Variants in PPP1CC observed in about 807,000 individuals in gnomAD.
The protein encoded by PPP1CC is serine/threonine-protein phosphatase PP1-gamma catalytic subunit.
In PPP1CC, 16 loss-of-function variants were observed where a neutral mutation model predicts 38.4. That is an observed-to-expected ratio of 0.42 (90% confidence interval 0.28 to 0.63). The LOEUF (loss-of-function observed/expected upper bound fraction) is 0.63. PPP1CC is among the 30% of genes least tolerant of loss of function. The pLI is 0.25. For synonymous variants in PPP1CC, 158 were observed against 136.0 expected (o/e 1.16, Z -1.13); for missense variants, 170 against 391.3 (o/e 0.43, Z 4.77).
chr12:110,727,052 C>T (rs909921414), intron 3 of PPP1CC, among the ~76,000 whole-genome samples: 5 of 152,164 alleles, frequency 3.3e-5, no homozygotes. Flanking sequence ...ATTTTCCTGC[C>T]TCAATCTCCT....
At chr12:110,740,240 T>C (rs967232821) in intron 1 of PPP1CC, among the ~76,000 whole-genome samples, 2 of 152,098 alleles carry the variant, frequency 1.3e-5, no homozygotes, top group Non-Finnish European at 2.9e-5. Context: ...TACTTTCAGA[T>C]ATACTTACAT....
intron 1 of PPP1CC, chr12:110,733,127 C>T (rs1372215037): frequency 1.3e-5 from 2 of 152,150 alleles, no homozygotes; most frequent in Non-Finnish European, 2.9e-5. Context: ...TCTCTAGACA[C>T]ACATACAGAG....
At chr12:110,733,824 G>T (rs375400463) in intron 1 of PPP1CC, among the ~76,000 whole-genome samples, 9 of 152,168 alleles carry the variant, frequency 5.9e-5, no homozygotes, top group African/African-American at 2.2e-4. Flanking sequence ...CTTTTCCAGA[G>T]AAAATAAAGA....
chr12:110,710,225 G>GTTATCC, the PPP1CC span, among the ~76,000 whole-genome samples: 1 of 151,960 alleles, frequency 6.6e-6, no homozygotes, highest in Non-Finnish European at 1.5e-5. Flanking sequence ...AGGAAAAAGG[G>GTTATCC]CAAAGATAAC....
chr12:110,716,684 T>C (rs1020774748), downstream of PPP1CC, among the ~76,000 whole-genome samples: 1 of 152,242 alleles, frequency 6.6e-6, no homozygotes, highest in African/African-American at 2.4e-5. Flanking sequence ...CAAAACTGTT[T>C]ACATGATTAA....
At chr12:110,715,982 T>C (rs1301391405), downstream of PPP1CC, among the ~76,000 whole-genome samples, 1 of 152,222 alleles carries the variant, frequency 6.6e-6, no homozygotes, top group Non-Finnish European at 1.5e-5. Flanking sequence ...TGCATGTTTG[T>C]AATACTAAAT....
downstream of PPP1CC, among the ~76,000 whole-genome samples, chr12:110,716,612 C>A (rs1038458791): frequency 1.3e-5 from 2 of 152,198 alleles, no homozygotes; most frequent in African/African-American, 4.8e-5. Context: ...CTCGGCCTCC[C>A]AATCACGCTG....
the PPP1CC span, among the ~76,000 whole-genome samples, chr12:110,712,658 AAAAAAAAAG>A: frequency 8.7e-5 from 13 of 149,770 alleles, no homozygotes; most frequent in Middle Eastern, 3.4e-3. Context: ...AAAAAAAAAA[AAAAAAAAAG>A]GGGGGGCACT....
chr12:110,738,106 T>C (rs567688080), intron 1 of PPP1CC, among the ~76,000 whole-genome samples: 1 of 152,338 alleles, frequency 6.6e-6, no homozygotes, highest in South Asian at 2.1e-4. Context: ...AGACTACATT[T>C]TGAGTTTTCA....
In PPP1CC at chr12:110,722,064, T is replaced by C. The variant is rs753168382; in HGVS notation, c.882+71A>G. 4 of 1,589,294 alleles carry C rather than the reference T, an allele frequency of 2.5e-6. No individual in the cohort carries two copies. Among genetic ancestry groups the C allele is most frequent in the Non-Finnish European group, 2.6e-6 (3 of 1,163,570 alleles). On this transcript the variant is annotated intron_variant, in intron 6 of 6. Transcript: ENST00000335007. The surrounding 1 kb of genome is among the most constrained non-coding windows in gnomAD (Gnocchi z 5.4). ...GCATAAGTGAACACTAGGCAAAAAGTAGCAATTATATTTTTCAATCAGCAA... is the reference window on the plus strand; with the variant it reads ...GCATAAGTGAACACTAGGCAAAAAGCAGCAATTATATTTTTCAATCAGCAA...
chr12:110,709,953 T>G, the PPP1CC span, among the ~76,000 whole-genome samples: 72 of 146,034 alleles, frequency 4.9e-4, no homozygotes, highest in East Asian at 0.013. Flanking sequence ...ATAATAATAA[T>G]AATAATAATA....
chr12:110,736,494 T>C (rs1393266261), intron 1 of PPP1CC, among the ~76,000 whole-genome samples: 1 of 151,638 alleles, frequency 6.6e-6, no homozygotes, highest in Non-Finnish European at 1.5e-5. Flanking sequence ...AAATACAAAA[T>C]ATAGCTGGAC....
At chr12:110,731,523 AT>A (rs1330366645) in intron 2 of PPP1CC, among the ~76,000 whole-genome samples, 3 of 151,776 alleles carry the variant, frequency 2.0e-5, no homozygotes, top group Admixed American at 6.6e-5. Flanking sequence ...TCTTAGTTTC[AT>A]TTTTTTCTTT....
intron 1 of PPP1CC, among the ~76,000 whole-genome samples, chr12:110,735,690 G>A (rs1199312575): frequency 1.3e-5 from 2 of 151,738 alleles, no homozygotes; most frequent in Non-Finnish European, 2.9e-5. Context: ...GCTGAGGCAC[G>A]AGAATCACTT....
In PPP1CC at chr12:110,720,194, G is replaced by T. The variant is rs1181409315; in HGVS notation, c.*882C>A. ...AAGCTTTCTGAATGGACGGGTTCAG[G>T]CCTGATGCAACTGTAAAAAGATTAC... On this transcript the variant is annotated 3_prime_UTR_variant, in exon 7 of 7. Transcript: ENST00000335007. 1 of 1,551,766 alleles carries T rather than the reference G, an allele frequency of 6.4e-7. No homozygotes were observed. Among genetic ancestry groups the T allele is most frequent in the Non-Finnish European group, 8.7e-7 (1 of 1,154,116 alleles).
At chr12:110,732,074 A>G in intron 1 of PPP1CC, 173 bp from the exon 2 acceptor site, 1 of 689,456 alleles carries the variant, frequency 1.5e-6, no homozygotes, top group Non-Finnish European at 2.3e-6. Flanking sequence ...AATCTTAGAC[A>G]AGACTTAATT....
At chr12:110,717,573 T>C (rs182635204), downstream of PPP1CC, among the ~76,000 whole-genome samples, 2 of 152,232 alleles carry the variant, frequency 1.3e-5, no homozygotes, top group South Asian at 2.1e-4. Flanking sequence ...TTTTCTATTT[T>C]TTTTAGTAGA....
intron 4 of PPP1CC, among the ~76,000 whole-genome samples, chr12:110,724,266 C>A (rs903261526): frequency 3.3e-5 from 5 of 151,530 alleles, no homozygotes; most frequent in Non-Finnish European, 2.9e-5. Context: ...CAAAAAAAAC[C>A]AAAAACTTTT....
chr12:110,732,377 C>T (rs1388064214), intron 1 of PPP1CC: 1 of 167,034 alleles, frequency 6.0e-6, no homozygotes, highest in African/African-American at 2.4e-5. Flanking sequence ...AGCCTGGCAA[C>T]ACAGCGAGAC....
Sources: allele counts gnomAD v4.1 joint callset (sites outside exome capture counted in the v4.1 genomes callset), GRCh38; gene constraint gnomAD v4.1.1; non-coding constraint Gnocchi (gnomAD v3.1); transcripts MANE v1.5; gene names NCBI Gene and HGNC (gene_info 2026-07-23, HGNC 2026-07-21).